DIP2B: variants seen among roughly 807,000 people sequenced by gnomAD.
DIP2B encodes DIP2 acetate--CoA ligase B (putative), also known as disco-interacting protein 2 homolog B.
A neutral mutation model predicts 198.0 loss-of-function variants in DIP2B; 76 were observed. The observed-to-expected ratio is 0.38, with a 90% CI of 0.32 to 0.46. The LOEUF (loss-of-function observed/expected upper bound fraction) is 0.46, where lower values mean the gene tolerates loss of function less well. DIP2B is among the 20% of genes least tolerant of loss of function. The pLI, the probability that DIP2B is intolerant of heterozygous loss-of-function variation, is 0.99. For synonymous variants in DIP2B, 701 were observed against 739.1 expected (o/e 0.95, Z 0.84); for missense variants, 1,559 against 1,978.4 (o/e 0.79, Z 4.02).
intron 1 of DIP2B, among the ~76,000 whole-genome samples, chr12:50,549,217 C>T (rs1436497720): frequency 6.6e-6 from 1 of 150,814 alleles, no homozygotes; most frequent in African/African-American, 2.4e-5. Context: ...GCCTGTAATC[C>T]CAGCACTTTG....
intron 1 of DIP2B, among the ~76,000 whole-genome samples, chr12:50,564,559 A>G (rs941638122): frequency 4.6e-5 from 7 of 152,170 alleles, no homozygotes; most frequent in Non-Finnish European, 7.3e-5. Flanking sequence ...TGTATTCTCC[A>G]GTTACTGAAT....
At chr12:50,603,441 C>G (rs1172185676) in intron 1 of DIP2B, among the ~76,000 whole-genome samples, 4 of 152,038 alleles carry the variant, frequency 2.6e-5, no homozygotes. Flanking sequence ...AGAATTGAGT[C>G]TTTTAAAAAA....
intron 3 of DIP2B, chr12:50,655,164 A>G (rs537166134): frequency 6.6e-6 from 2 of 301,790 alleles, no homozygotes; most frequent in Non-Finnish European, 1.4e-5. Context: ...AACTGTGTAC[A>G]GTAGTGTACT....
At chr12:50,629,608 C>T (rs549545453) in intron 2 of DIP2B, among the ~76,000 whole-genome samples, 14 of 152,266 alleles carry the variant, frequency 9.2e-5, no homozygotes, top group African/African-American at 3.1e-4. Flanking sequence ...TCCGAGCCCC[C>T]GATCCATAGA....
At chr12:50,584,857 C>G (rs1289667870) in intron 1 of DIP2B, among the ~76,000 whole-genome samples, 6 of 152,166 alleles carry the variant, frequency 3.9e-5, no homozygotes, top group Non-Finnish European at 8.8e-5. Context: ...AACCACCGCG[C>G]CTGGCCAAAA....
intron 11 of DIP2B, 103 bp downstream of exon 11, chr12:50,686,059 T>C (rs1939124899): frequency 8.4e-7 from 1 of 1,183,710 alleles, no homozygotes; most frequent in African/African-American, 1.6e-5. Flanking sequence ...ATATGTTCTA[T>C]TTAATTCTCA....
chr12:50,530,146 G>A (rs908023654), intron 1 of DIP2B, among the ~76,000 whole-genome samples: 3 of 151,792 alleles, frequency 2.0e-5, no homozygotes, highest in Non-Finnish European at 4.4e-5. Context: ...GCGCGATCTC[G>A]GCTCACTGCA....
chr12:50,536,292 C>CATACATAG (rs950284282), intron 1 of DIP2B, among the ~76,000 whole-genome samples: 1 of 151,798 alleles, frequency 6.6e-6, no homozygotes. Flanking sequence ...TACATACATA[C>CATACATAG]ATACATACAT....
chr12:50,731,079 T>G (rs2139597590), intron 30 of DIP2B, among the ~76,000 whole-genome samples: 1 of 152,346 alleles, frequency 6.6e-6, no homozygotes, highest in South Asian at 2.1e-4. Context: ...GATTAGTTAT[T>G]AGGAATTACC....
chr12:50,566,920 C>T (rs576449740), intron 1 of DIP2B, among the ~76,000 whole-genome samples: 33 of 143,310 alleles, frequency 2.3e-4, no homozygotes, highest in Middle Eastern at 3.9e-3. Flanking sequence ...TGCAGTGAGC[C>T]GAGATCGCGC....
At chr12:50,505,694 C>T (rs1447177493) in intron 1 of DIP2B, among the ~76,000 whole-genome samples, 1 of 152,138 alleles carries the variant, frequency 6.6e-6, no homozygotes, top group Non-Finnish European at 1.5e-5. Context: ...CATGGGAAAT[C>T]CGCAGCATCA....
rs181408860 is a variant in DIP2B, at chr12:50,535,692, T to A, written c.100+30452T>A. 7.3e-3 allele frequency among the ~76,000 whole-genome samples: 1,115 copies of A among 151,862 alleles called. 7 individuals carry two copies. Among genetic ancestry groups the A allele is most frequent in the Non-Finnish European group, 0.012 (805 of 67,930 alleles). ...GGCCGAGCCCAGGAATTTTTTTTTT[T>A]AAATTTTATTTTATTATTATTATAC... is the stretch of plus-strand genomic sequence containing the variant. On this transcript the variant is annotated intron_variant, in intron 1 of 37. Coordinates refer to ENST00000301180, the MANE Select transcript of DIP2B (RefSeq NM_173602.3).
chr12:50,667,914 T>G (rs1260417686), intron 4 of DIP2B, among the ~76,000 whole-genome samples: 1 of 152,182 alleles, frequency 6.6e-6, no homozygotes, highest in Non-Finnish European at 1.5e-5. Flanking sequence ...TTGTTCATGG[T>G]CTCCCAGCTA....
chr12:50,694,928 C>T (rs1054831961), intron 14 of DIP2B, among the ~76,000 whole-genome samples: 2 of 151,806 alleles, frequency 1.3e-5, no homozygotes, highest in African/African-American at 4.8e-5. Flanking sequence ...ATGAAAAAAA[C>T]AAGTTACAGA....
chr12:50,513,079 C>T (rs1264717509), intron 1 of DIP2B, among the ~76,000 whole-genome samples: 2 of 152,128 alleles, frequency 1.3e-5, no homozygotes, highest in African/African-American at 4.8e-5. Context: ...AATAGAAAAG[C>T]TGAGTATAGT....
At chr12:50,716,958 C>CTGTTTTTTTTTTTTTTTTTTT (rs1939731747) in intron 23 of DIP2B, among the ~76,000 whole-genome samples, 1 of 58,924 alleles carries the variant, frequency 1.7e-5, no homozygotes, top group Non-Finnish European at 3.0e-5. Context: ...CGAATTGTTG[C>CTGTTTTTTTTTTTTTTTTTTT]TTTTTTTTTT....
intron 1 of DIP2B, among the ~76,000 whole-genome samples, chr12:50,566,987 A>G (rs1438742380): frequency 7.3e-5 from 11 of 151,090 alleles, no homozygotes; most frequent in Non-Finnish European, 1.6e-4. Flanking sequence ...AAAAAAAAAA[A>G]AAAAAGAAAG....
intron 22 of DIP2B, 83 bp from the exon 23 acceptor site, chr12:50,714,312 G>A (rs1939673139): frequency 6.6e-7 from 1 of 1,517,186 alleles, no homozygotes; most frequent in South Asian, 1.2e-5. Context: ...AAAAATTGTA[G>A]CGTAAAATAA....
chr12:50,545,119 A>G (rs2139379540), intron 1 of DIP2B, among the ~76,000 whole-genome samples: 1 of 152,008 alleles, frequency 6.6e-6, no homozygotes, highest in Admixed American at 6.6e-5. Context: ...TGTTTTGTAT[A>G]TGTTTTGTGG....
Sources: allele counts gnomAD v4.1 joint callset (sites outside exome capture counted in the v4.1 genomes callset), GRCh38; gene constraint gnomAD v4.1.1; transcripts MANE v1.5; gene names NCBI Gene and HGNC (gene_info 2026-07-23, HGNC 2026-07-21).